The following ERC2 variants were observed in gnomAD, a reference collection of about 807,000 sequenced individuals.
ERC2 encodes ERC protein 2.
In ERC2, 42 loss-of-function variants were observed where a neutral mutation model predicts 114.8. That is an observed-to-expected ratio of 0.37 (90% CI 0.29 to 0.47). The LOEUF (loss-of-function observed/expected upper bound fraction) is 0.47. Among genes scored for constraint, ERC2 ranks in the 20% least tolerant of loss-of-function variants. ERC2 has a pLI of 0.99. For synonymous variants in ERC2, 454 were observed against 425.5 expected, an observed-to-expected ratio of 1.07 and a Z score of -0.82; for missense variants, 939 against 1,150.7, an observed-to-expected ratio of 0.82 and a Z score of 2.66.
intron 12 of ERC2, among the ~76,000 whole-genome samples, chr3:55,974,747 C>T (rs1421306297): frequency 1.3e-5 from 2 of 152,158 alleles, no homozygotes; most frequent in African/African-American, 2.4e-5. Context: ...ACCAGGCCCA[C>T]TCAAACTCAC....
chr3:55,855,357 C>T (rs180682137), intron 14 of ERC2, among the ~76,000 whole-genome samples: 361 of 152,358 alleles, frequency 2.4e-3, no homozygotes, highest in Middle Eastern at 0.014. Flanking sequence ...AAATCACATT[C>T]AGTCAAGTGT....
chr3:56,148,903 G>A (rs2081281112), intron 5 of ERC2, 74 bp downstream of exon 5: 1 of 1,366,022 alleles, frequency 7.3e-7, no homozygotes, highest in African/African-American at 1.4e-5. Context: ...TGGAGTATTT[G>A]GAAAAAGTAT....
intron 12 of ERC2, among the ~76,000 whole-genome samples, chr3:55,981,733 G>A (rs1201643827): frequency 3.3e-5 from 5 of 152,074 alleles, no homozygotes; most frequent in Admixed American, 2.6e-4. Context: ...ACAAGCATTC[G>A]ACTTGATAGA....
chr3:56,105,472 C>G (rs894041772), intron 6 of ERC2, among the ~76,000 whole-genome samples: 1 of 152,038 alleles, frequency 6.6e-6, no homozygotes, highest in Non-Finnish European at 1.5e-5. Flanking sequence ...ATCACCACAC[C>G]TAAGTTGTTT....
intron 17 of ERC2, among the ~76,000 whole-genome samples, chr3:55,564,426 G>A (rs1303064039): frequency 6.6e-6 from 1 of 152,180 alleles, no homozygotes; most frequent in East Asian, 1.9e-4. Flanking sequence ...TTAACCAGTT[G>A]TGAAACTGAG....
intron 14 of ERC2, among the ~76,000 whole-genome samples, chr3:55,835,187 G>C (rs544084407): frequency 2.0e-5 from 3 of 152,118 alleles, no homozygotes; most frequent in Non-Finnish European, 4.4e-5. Context: ...GGAGGAACTG[G>C]TACCATTCCT....
intron 7 of ERC2, among the ~76,000 whole-genome samples, chr3:56,077,038 C>A (rs1576829100): frequency 1.3e-5 from 2 of 152,162 alleles, no homozygotes; most frequent in African/African-American, 4.8e-5. Context: ...TTCTTCCATG[C>A]CAACACACCC....
At chr3:56,102,849 T>A (rs545163862) in intron 6 of ERC2, among the ~76,000 whole-genome samples, 42 of 152,314 alleles carry the variant, frequency 2.8e-4, no homozygotes, top group African/African-American at 1.0e-3. Flanking sequence ...AAGATGTGCA[T>A]TATTCACTAA....
chr3:56,370,338 A>G (rs2059314929), intron 2 of ERC2, among the ~76,000 whole-genome samples: 1 of 152,180 alleles, frequency 6.6e-6, no homozygotes, highest in African/African-American at 2.4e-5. Flanking sequence ...GTGATGGACA[A>G]TTGCATTGCT....
intron 17 of ERC2, among the ~76,000 whole-genome samples, chr3:55,639,628 G>C (rs1435036369): frequency 6.6e-6 from 1 of 151,534 alleles, no homozygotes; most frequent in Non-Finnish European, 1.5e-5. Context: ...TTAAATCTAC[G>C]TCAGTCAGGA....
At chr3:55,980,480 A>G (rs186168095) in intron 12 of ERC2, among the ~76,000 whole-genome samples, 1 of 152,354 alleles carries the variant, frequency 6.6e-6, no homozygotes, top group East Asian at 1.9e-4. Context: ...GGGTTTCTCT[A>G]CAACCTGAGC....
intron 17 of ERC2, among the ~76,000 whole-genome samples, chr3:55,609,725 T>A (rs2058806072): frequency 6.6e-6 from 1 of 152,042 alleles, no homozygotes; most frequent in African/African-American, 2.4e-5. Context: ...ATGCCTTCGG[T>A]TTTTGAGTTA....
Position 55,904,680 on chromosome 3 carries a change from T to C in ERC2, c.2404-16131A>G, listed in dbSNP as rs144007439. ...ATGAGTCTAATAAAGTATAACTCACTCTACTCTTCAGTGAAGAAAGAAAGC... is the reference window on the plus strand; with the variant it reads ...ATGAGTCTAATAAAGTATAACTCACCCTACTCTTCAGTGAAGAAAGAAAGC... On this transcript the variant is annotated intron_variant, in intron 13 of 17. Coordinates refer to ENST00000288221, the MANE Select transcript of ERC2 (RefSeq NM_015576.3). 4.6e-5 allele frequency among the ~76,000 whole-genome samples: 7 copies of C among 152,276 alleles called. No homozygotes were observed. The East Asian group carries it at 1.4e-3, about 29-fold the overall frequency.
At chr3:56,254,324 C>G (rs2052373695) in intron 3 of ERC2, among the ~76,000 whole-genome samples, 2 of 144,292 alleles carry the variant, frequency 1.4e-5, no homozygotes, top group Non-Finnish European at 3.1e-5. Flanking sequence ...TCCTTAAGAG[C>G]CCTTAAACCC....
intron 1 of ERC2, among the ~76,000 whole-genome samples, chr3:56,441,808 A>G (rs2062322975): frequency 1.3e-5 from 2 of 152,178 alleles, no homozygotes; most frequent in Admixed American, 1.3e-4. Flanking sequence ...CGGCCTCCCA[A>G]AGTTCTGGGA....
chr3:56,306,987 C>T (rs1164239585), intron 2 of ERC2, among the ~76,000 whole-genome samples: 38 of 152,224 alleles, frequency 2.5e-4, no homozygotes, highest in Non-Finnish European at 2.9e-5. Context: ...TCAGCAGAGC[C>T]TGTGCCTACA....
intron 3 of ERC2, among the ~76,000 whole-genome samples, chr3:56,245,318 G>A (rs892756814): frequency 1.1e-4 from 17 of 151,996 alleles, no homozygotes; most frequent in Non-Finnish European, 1.9e-4. Context: ...ACTATGAGAC[G>A]TATTACCACT....
chr3:55,821,164 A>G (rs1224505067), intron 14 of ERC2, among the ~76,000 whole-genome samples: 1 of 152,202 alleles, frequency 6.6e-6, no homozygotes, highest in Non-Finnish European at 1.5e-5. Context: ...GAACAGTGAG[A>G]TTAGACTGAT....
At chr3:55,767,551 G>T (rs1468635166) in intron 14 of ERC2, among the ~76,000 whole-genome samples, 4 of 152,118 alleles carry the variant, frequency 2.6e-5, no homozygotes, top group Non-Finnish European at 1.5e-5. Context: ...TAATTCCCAG[G>T]AGGCAAGGTG....
Sources: allele counts gnomAD v4.1 joint callset (sites outside exome capture counted in the v4.1 genomes callset), GRCh38; gene constraint gnomAD v4.1.1; transcripts MANE v1.5; gene names NCBI Gene and HGNC (gene_info 2026-07-23, HGNC 2026-07-21).